Variants in AHRR observed in about 807,000 individuals in gnomAD.
AHRR encodes the protein ahR repressor.
Under a neutral mutation model 44.0 loss-of-function variants are expected in AHRR, and 28 were observed. That is an observed-to-expected ratio of 0.64 (90% CI 0.47 to 0.87). The LOEUF (loss-of-function observed/expected upper bound fraction) is 0.87, where lower values mean the gene tolerates loss of function less well. AHRR is among the 40% of genes least tolerant of loss of function. AHRR has a pLI of 0.00. For missense variants in AHRR, 990 were observed against 953.9 expected, an observed-to-expected ratio of 1.04 and a Z score of -0.50; for synonymous variants, 434 against 407.0, an observed-to-expected ratio of 1.07 and a Z score of -0.80.
At chr5:401,908 C>T (rs1735028929) in intron 4 of AHRR, among the ~76,000 whole-genome samples, 1 of 152,180 alleles carries the variant, frequency 6.6e-6, no homozygotes, top group African/African-American at 2.4e-5. Context: ...GAGGAGTATT[C>T]AGCCTTAAAA....
At chr5:345,829 G>A (rs1742653795) in intron 2 of AHRR, among the ~76,000 whole-genome samples, 1 of 152,064 alleles carries the variant, frequency 6.6e-6, no homozygotes, top group East Asian at 1.9e-4. Flanking sequence ...GGGGAGGTAA[G>A]GCCTCCCTTG....
At chr5:384,410 C>T (rs574403971) in intron 4 of AHRR, among the ~76,000 whole-genome samples, 1 of 152,284 alleles carries the variant, frequency 6.6e-6, no homozygotes, top group South Asian at 2.1e-4. Flanking sequence ...TATCTACATA[C>T]ATTAAACCCT....
intron 4 of AHRR, among the ~76,000 whole-genome samples, chr5:389,957 G>A (rs1205918844): frequency 7.8e-6 from 1 of 128,436 alleles, no homozygotes; most frequent in Non-Finnish European, 1.6e-5. Flanking sequence ...GAGGGGGAGG[G>A]GAGACAGGAC....
At chr5:322,085 C>G (rs1486725619) in intron 1 of AHRR, among the ~76,000 whole-genome samples, 1 of 151,966 alleles carries the variant, frequency 6.6e-6, no homozygotes, top group Admixed American at 6.5e-5. Flanking sequence ...CGAGAGTGTT[C>G]TGAGCCTTCA....
At chr5:416,678 C>T (rs1272061150) in intron 5 of AHRR, among the ~76,000 whole-genome samples, 2 of 152,186 alleles carry the variant, frequency 1.3e-5, no homozygotes, top group African/African-American at 4.8e-5. Context: ...TTCCTTTACA[C>T]GTGTGGAGAG....
intron 5 of AHRR, chr5:421,369 G>A (rs1560919857): frequency 1.1e-5 from 7 of 663,844 alleles, no homozygotes; most frequent in Non-Finnish European, 1.1e-5. Context: ...CGTGGAGTCC[G>A]CGCACAGTAC....
At chr5:415,372 CGGGTGGGA>C (rs1735696424) in intron 5 of AHRR, among the ~76,000 whole-genome samples, 6 of 118,898 alleles carry the variant, frequency 5.0e-5, no homozygotes, top group African/African-American at 1.8e-4. Flanking sequence ...TCTCCCTGGT[CGGGTGGGA>C]GGCCTAGGGG....
intron 1 of AHRR, among the ~76,000 whole-genome samples, chr5:340,692 T>TATTTA (rs1560881664): frequency 3.4e-5 from 1 of 29,236 alleles, no homozygotes; most frequent in African/African-American, 1.2e-4. Context: ...ATATATATTT[T>TATTTA]TTTTTTTTTT....
At position 344,441 on chromosome 5, in the gene AHRR, G is replaced by A. The variant is rs1299072629; in HGVS notation, c.62+477G>A. Among the ~76,000 whole-genome samples, 16 of 28,910 alleles carry A rather than the reference G, an allele frequency of 5.5e-4. 1 individual carries two copies. Among genetic ancestry groups the A allele is most frequent in the Non-Finnish European group, 1.7e-4 (2 of 11,882 alleles). 19.0% of individuals were successfully genotyped at this position (28,910 alleles called of 152,430 possible). A position where few individuals can be genotyped will look rare whatever the true frequency, so the allele number is the denominator to read the frequency against. ...GTGCGGTATGTGTGAGGCTGTGGGG[G>A]GCTGTGTGTGGGGTGTGTGTGTGTG... On this transcript the variant is annotated intron_variant, in intron 2 of 10. Coordinates refer to ENST00000684583, the MANE Select transcript of AHRR (RefSeq NM_001377236.1).
chr5:416,400 G>C (rs1397318454), intron 5 of AHRR, among the ~76,000 whole-genome samples: 4 of 152,264 alleles, frequency 2.6e-5, no homozygotes, highest in Non-Finnish European at 5.9e-5. Context: ...GAAAAGCCCT[G>C]GTGCCCGGCA....
chr5:344,087 G>A lies in AHRR; in HGVS notation c.62+123G>A, dbSNP rs568304190. On this transcript the variant is annotated intron_variant, in intron 2 of 10. Coordinates refer to ENST00000684583, the MANE Select transcript of AHRR (RefSeq NM_001377236.1). ...CGAGGAAGGCTTCGGGAGCCGGGCG[G>A]GCCGGGGCTGAGCTCCGGCGCGGGC... 349 of 1,090,156 alleles carry A rather than the reference G, an allele frequency of 3.2e-4. 1 individual carries two copies. The African/African-American group carries it at 5.3e-3, about 17-fold the overall frequency. 67.5% of individuals were successfully genotyped at this position (1,090,156 alleles called of 1,614,324 possible).
chr5:373,225 G>A (rs1174499361), intron 3 of AHRR, among the ~76,000 whole-genome samples: 1 of 152,236 alleles, frequency 6.6e-6, no homozygotes, highest in African/African-American at 2.4e-5. Flanking sequence ...CCTCTGAGAG[G>A]GCAGCCCTGC....
At chr5:336,293 C>G (rs1291959813) in intron 1 of AHRR, among the ~76,000 whole-genome samples, 1 of 152,188 alleles carries the variant, frequency 6.6e-6, no homozygotes, top group Non-Finnish European at 1.5e-5. Context: ...GGCCACACAT[C>G]CTGCCTGTTT....
chr5:423,583 G>A (rs10064055), intron 6 of AHRR, among the ~76,000 whole-genome samples: 15,588 of 152,294 alleles, frequency 0.1, 919 homozygotes, highest in Admixed American at 0.18. Flanking sequence ...AGACCCTTCT[G>A]TAAAGCTAAA....
chr5:399,729 C>T (rs1579669098), intron 4 of AHRR, among the ~76,000 whole-genome samples: 2 of 152,212 alleles, frequency 1.3e-5, no homozygotes. Context: ...CCGGGTTAAC[C>T]GAGCGGGGCT....
intron 4 of AHRR, among the ~76,000 whole-genome samples, chr5:398,306 C>CTTCCGCGTTAGCCCCGACA (rs1156548229): frequency 6.6e-6 from 1 of 152,084 alleles, no homozygotes; most frequent in African/African-American, 2.4e-5. Context: ...AGCCCCTGAC[C>CTTCCGCGTTAGCCCCGACA]TTCCGCGTTA....
intron 1 of AHRR, among the ~76,000 whole-genome samples, chr5:343,228 C>T (rs1021594035): frequency 3.3e-5 from 5 of 151,542 alleles, no homozygotes; most frequent in African/African-American, 7.2e-5. Flanking sequence ...GACAGAAACA[C>T]GGGACCCCAC....
chr5:402,322 C>T (rs1262032446), intron 4 of AHRR, among the ~76,000 whole-genome samples: 3 of 151,948 alleles, frequency 2.0e-5, no homozygotes, highest in African/African-American at 7.3e-5. Flanking sequence ...AGAAGGGGAC[C>T]CTCGTGCACT....
intron 1 of AHRR, chr5:322,694 T>G (rs1187829353): frequency 1.3e-5 from 2 of 152,158 alleles, no homozygotes; most frequent in East Asian, 3.9e-4. Context: ...TCAGAGCAAG[T>G]GACTGGCGGC....
Sources: allele counts gnomAD v4.1 joint callset (sites outside exome capture counted in the v4.1 genomes callset), GRCh38; gene constraint gnomAD v4.1.1; transcripts MANE v1.5; gene names NCBI Gene and HGNC (gene_info 2026-07-23, HGNC 2026-07-21).